The following GDPD5 variants were observed in gnomAD, a reference collection of about 807,000 sequenced individuals.
GDPD5 encodes the protein glycerophosphodiester phosphodiesterase 2.
In GDPD5, 48 loss-of-function variants were observed where a neutral mutation model predicts 75.1. That is an observed-to-expected ratio of 0.64 (90% CI 0.51 to 0.81). The LOEUF is 0.81. GDPD5 is among the 40% of genes least tolerant of loss of function. GDPD5 has a pLI of 0.00. For missense variants in GDPD5, 706 were observed against 822.6 expected (o/e 0.86, Z 1.73); for synonymous variants, 336 against 339.0 (o/e 0.99, Z 0.10).
At chr11:75,460,393 C>T (rs1278794004) in intron 4 of GDPD5, among the ~76,000 whole-genome samples, 1 of 152,100 alleles carries the variant, frequency 6.6e-6, no homozygotes, top group Non-Finnish European at 1.5e-5. Flanking sequence ...GGAAGCAACC[C>T]TCATGTTTAG....
intron 1 of GDPD5, among the ~76,000 whole-genome samples, chr11:75,524,266 CG>C (rs1941578109): frequency 6.6e-6 from 1 of 152,238 alleles, no homozygotes; most frequent in African/African-American, 2.4e-5. Flanking sequence ...AGGCATTCCT[CG>C]GGGCCCCAGC....
At chr11:75,493,229 T>TCACTCA (rs1555012466) in intron 1 of GDPD5, among the ~76,000 whole-genome samples, 1 of 140,906 alleles carries the variant, frequency 7.1e-6, no homozygotes, top group Non-Finnish European at 1.5e-5. Flanking sequence ...CCCACACATC[T>TCACTCA]CACACACACA....
Position 75,463,967 on chromosome 11 carries a change from G to T in GDPD5, c.118-1078C>A, listed in dbSNP as rs541103910. Among the ~76,000 whole-genome samples the T allele has an allele frequency of 2.0e-5, 3 of 152,330 alleles. No individual in the cohort carries two copies. The East Asian group carries it at 5.8e-4, about 29-fold the overall frequency. On this transcript the variant is annotated intron_variant, in intron 3 of 16. Coordinates refer to ENST00000336898, the MANE Select transcript of GDPD5 (RefSeq NM_030792.8). ...ACCCTGCTACCCTCGTGCCTGCCGCGGTGCGCCCGCAGCATTGGCATCCCT... is the reference window on the plus strand; with the variant it reads ...ACCCTGCTACCCTCGTGCCTGCCGCTGTGCGCCCGCAGCATTGGCATCCCT...
chr11:75,513,833 T>C (rs1176395259), intron 1 of GDPD5, among the ~76,000 whole-genome samples: 3 of 152,184 alleles, frequency 2.0e-5, no homozygotes, highest in Non-Finnish European at 4.4e-5. Flanking sequence ...ACCACCTGGC[T>C]AGTAGCCTCC....
intron 2 of GDPD5, among the ~76,000 whole-genome samples, chr11:75,480,666 C>A (rs1013871560): frequency 6.6e-6 from 1 of 152,114 alleles, no homozygotes; most frequent in African/African-American, 2.4e-5. Context: ...CCAAAGGACA[C>A]CCAGCAGAGC....
At chr11:75,444,115 G>T (rs1268137455) in intron 10 of GDPD5, among the ~76,000 whole-genome samples, 1 of 152,208 alleles carries the variant, frequency 6.6e-6, no homozygotes, top group African/African-American at 2.4e-5. Context: ...CACAGTGAAT[G>T]TATCACTCTG....
Position 75,506,175 on chromosome 11 carries a change from G to A in GDPD5, c.-144-15855C>T, listed in dbSNP as rs1198523882. Among the ~76,000 whole-genome samples, 7 of 152,278 alleles carry A rather than the reference G, an allele frequency of 4.6e-5. No homozygotes were observed. The East Asian group carries it at 5.8e-4, about 13-fold the overall frequency. ...ACTCAATAAAAGGTTGCCATCATCC[G>A]TTCTCTCCTTTCCAGACAAAGACGT... On this transcript the variant is annotated intron_variant, in intron 1 of 16. Coordinates refer to ENST00000336898, the MANE Select transcript of GDPD5 (RefSeq NM_030792.8).
intron 1 of GDPD5, among the ~76,000 whole-genome samples, chr11:75,516,552 CCT>C (rs1950643014): frequency 1.3e-5 from 2 of 152,198 alleles, no homozygotes; most frequent in Non-Finnish European, 2.9e-5. Context: ...CCTCCTCTGT[CCT>C]CTGTCTCAGC....
chr11:75,460,722 A>C (rs1333030873), intron 4 of GDPD5, among the ~76,000 whole-genome samples: 1 of 152,072 alleles, frequency 6.6e-6, no homozygotes, highest in African/African-American at 2.4e-5. Context: ...CTGAGATTAC[A>C]GGCATGAGTC....
intron 14 of GDPD5, among the ~76,000 whole-genome samples, 172 bp downstream of exon 14, chr11:75,440,991 T>A (rs1948780680): frequency 6.6e-6 from 1 of 152,154 alleles, no homozygotes; most frequent in Non-Finnish European, 1.5e-5. Flanking sequence ...TTAGTGCAGA[T>A]CCCAGATGCC....
rs981141958 is a variant in GDPD5, at chr11:75,448,983, G to A, written c.708C>T (p.Ala236=). Residue 236 remains alanine, a synonymous_variant, in exon 9 of 17, where the codon GCC becomes GCT. Coordinates refer to ENST00000336898, the MANE Select transcript of GDPD5 (RefSeq NM_030792.8). ...ACCCTGAGGTGGCACTCACCATGGG[G>A]GCCCCGCGGTGGCCAATGAGAGCAG... ...PKPALIGHRG[A]PMLAPEHTLM... 3.2e-6 allele frequency: 5 copies of A among 1,572,402 alleles called. No homozygotes were observed. The highest frequency in any genetic ancestry group is 2.8e-5 in the African/African-American group (2 of 72,118).
intron 3 of GDPD5, among the ~76,000 whole-genome samples, chr11:75,465,613 T>G (rs998558937): frequency 5.9e-5 from 9 of 152,108 alleles, no homozygotes; most frequent in African/African-American, 2.2e-4. Context: ...CTGGCATGAG[T>G]ACACCCACCC....
In GDPD5 at chr11:75,449,878, C is replaced by G. The variant is rs1252822706; in HGVS notation, c.474+7G>C. 6.2e-7 allele frequency: 1 copy of G among 1,612,730 alleles called. No homozygotes were observed. The highest frequency in any genetic ancestry group is 8.5e-7 in the Non-Finnish European group (1 of 1,179,096). ...TGTGAGGGTCCTGGGGGACCCTCCT[C>G]ACTCACCTGCAGGGAGATCAGCAGC... On this transcript the variant is annotated splice_region_variant and intron_variant, in intron 7 of 16. Coordinates refer to ENST00000336898, the MANE Select transcript of GDPD5 (RefSeq NM_030792.8).
In GDPD5 at chr11:75,442,569, A is replaced by C. The variant is rs750470860; in HGVS notation, c.961T>G (p.Trp321Gly). 5.0e-6 allele frequency: 8 copies of C among 1,613,986 alleles called. No individual in the cohort carries two copies. In the South Asian group the frequency reaches 5.5e-5, roughly 11 times the overall value. The change falls in exon 12 of 17, where the codon TGG becomes GGG. Residue 321 changes from tryptophan to glycine, a missense_variant. Transcript: ENST00000336898. ...GQWFLKTDPF[W>G]TASSLSPSDH... ...GAGGGTGACAGGGAGCTGGCTGTCC[A>C]GAAGGGGTCAGTCTGGCAGGGACAG...
intron 16 of GDPD5, 25 bp from the exon 17 acceptor site, chr11:75,435,680 T>A: frequency 6.4e-7 from 1 of 1,571,108 alleles, no homozygotes; most frequent in Non-Finnish European, 8.7e-7. Flanking sequence ...GGAGACAGAA[T>A]GTGAGTCGGG....
intron 3 of GDPD5, among the ~76,000 whole-genome samples, chr11:75,476,070 C>T (rs550787741): frequency 8.3e-4 from 127 of 152,294 alleles, no homozygotes; most frequent in Middle Eastern, 6.8e-3. Context: ...GGGCTTCCTG[C>T]CTGGGAGCTC....
chr11:75,449,433 A>G, intron 8 of GDPD5, 84 bp downstream of exon 8: 1 of 1,352,612 alleles, frequency 7.4e-7, no homozygotes, highest in East Asian at 2.5e-5. Context: ...GGCCACCCCC[A>G]GGGAAAGCCC....
chr11:75,454,996 G>A (rs530487249), intron 6 of GDPD5, among the ~76,000 whole-genome samples: 3 of 152,294 alleles, frequency 2.0e-5, no homozygotes, highest in Admixed American at 6.5e-5. Context: ...CCTCCTGGTG[G>A]GGCGGGTCGA....
In GDPD5 at chr11:75,444,453, C is replaced by T. The variant is rs570620785; in HGVS notation, c.757G>A (p.Glu253Lys). The T allele has an allele frequency of 2.7e-4, 433 of 1,613,832 alleles. No individual in the cohort carries two copies. The highest frequency in any genetic ancestry group is 3.3e-4 in the Non-Finnish European group (384 of 1,179,902). ...HTLMSFRKAL[E>K]QKLYGLQADI... ...GCCTGGAGCCCGTACAGCTTCTGCT[C>T]GAGGGCCTTCCGGAAGGACATGAGC... Residue 253 changes from glutamate to lysine, a missense_variant, in exon 10 of 17, where the codon GAG becomes AAG. Transcript: ENST00000336898.
Sources: gnomAD v4.1 joint callset for allele counts (sites outside exome capture counted in the v4.1 genomes callset) on GRCh38, gnomAD v4.1.1 for gene constraint, MANE v1.5 for transcripts, NCBI Gene and HGNC (gene_info 2026-07-23, HGNC 2026-07-21) for gene names.